ATXN1: variants seen among roughly 807,000 people sequenced by gnomAD.
ATXN1 encodes the protein ataxin-1.
Under a neutral mutation model 56.4 loss-of-function variants are expected in ATXN1, and 8 were observed. That is an observed-to-expected ratio of 0.14 (90% CI 0.08 to 0.26). The LOEUF (loss-of-function observed/expected upper bound fraction) is 0.26, where lower values mean the gene tolerates loss of function less well. Ranked by LOEUF, ATXN1 falls within the 10% of genes least tolerant of loss-of-function variation. ATXN1 has a pLI of 1.00. For synonymous variants in ATXN1, 514 were observed against 494.6 expected, an observed-to-expected ratio of 1.04 and a Z score of -0.52; for missense variants, 987 against 1,106.5, an observed-to-expected ratio of 0.89 and a Z score of 1.53.
At chr6:16,750,465 G>A (rs1418065513) in intron 2 of ATXN1, among the ~76,000 whole-genome samples, 1 of 152,184 alleles carries the variant, frequency 6.6e-6, no homozygotes, top group Non-Finnish European at 1.5e-5. Context: ...AGTACAACAT[G>A]AATGATACTA....
intron 6 of ATXN1, among the ~76,000 whole-genome samples, chr6:16,459,538 G>A (rs187445300): frequency 1.2e-4 from 19 of 152,204 alleles, no homozygotes; most frequent in Admixed American, 7.2e-4. Flanking sequence ...CTCTATATCC[G>A]GTTGTACCCA....
At chr6:16,660,767 A>G (rs1448107197) in intron 2 of ATXN1, among the ~76,000 whole-genome samples, 2 of 152,078 alleles carry the variant, frequency 1.3e-5, no homozygotes, top group Non-Finnish European at 2.9e-5. Context: ...AGATTGCATA[A>G]TAAGAGACAA....
rs1760978080 is a variant in ATXN1, at chr6:16,506,091, G to C, written c.-299+16536C>G. 6.6e-6 allele frequency among the ~76,000 whole-genome samples: 1 copy of C among 152,106 alleles called. No individual in the cohort carries two copies. The highest frequency in any genetic ancestry group is 2.1e-4 in the South Asian group (1 of 4,828). On this transcript the variant is annotated intron_variant, in intron 5 of 7. Transcript: ENST00000436367. The surrounding 1 kb of genome is among the most constrained non-coding windows in gnomAD (Gnocchi z 4.1). ...TTGGCAGGGAACTCAGAAAATCTTG[G>C]CATCAGGGCTTACTATAAGCTGAGT...
At chr6:16,559,799 A>C (rs1279554934) in intron 4 of ATXN1, among the ~76,000 whole-genome samples, 1 of 152,186 alleles carries the variant, frequency 6.6e-6, no homozygotes, top group African/African-American at 2.4e-5. Flanking sequence ...CTGAAATATA[A>C]AAGGAGCAAA....
At chr6:16,674,575 TCTCAAA>T (rs1316558835) in intron 2 of ATXN1, among the ~76,000 whole-genome samples, 4 of 151,106 alleles carry the variant, frequency 2.6e-5, no homozygotes, top group Non-Finnish European at 5.9e-5. Context: ...GCTAGGCTGG[TCTCAAA>T]CTCCTCACCT....
intron 2 of ATXN1, among the ~76,000 whole-genome samples, chr6:16,674,615 C>T (rs1238462118): frequency 6.6e-6 from 1 of 151,636 alleles, no homozygotes; most frequent in Non-Finnish European, 1.5e-5. Flanking sequence ...CCTTGGCCTC[C>T]GAAAATGCTG....
intron 2 of ATXN1, chr6:16,738,985 A>C (rs960646613): frequency 1.3e-5 from 2 of 152,184 alleles, no homozygotes; most frequent in African/African-American, 4.8e-5. Flanking sequence ...TGTTACTGAA[A>C]TATCTCTTCC....
chr6:16,360,290 A>G (rs1387373477), intron 6 of ATXN1, among the ~76,000 whole-genome samples: 1 of 152,218 alleles, frequency 6.6e-6, no homozygotes, highest in Non-Finnish European at 1.5e-5. Context: ...TTCAAAGAGA[A>G]CAGCTCTATA....
At chr6:16,729,020 C>T (rs1246020356) in intron 2 of ATXN1, among the ~76,000 whole-genome samples, 1 of 152,164 alleles carries the variant, frequency 6.6e-6, no homozygotes, top group Non-Finnish European at 1.5e-5. Context: ...CTTTAGGGAC[C>T]TCAGCAATCC....
chr6:16,542,379 A>G (rs1384728824), intron 4 of ATXN1, among the ~76,000 whole-genome samples: 1 of 152,208 alleles, frequency 6.6e-6, no homozygotes, highest in African/African-American at 2.4e-5. Context: ...GGGGAAAGAG[A>G]AACGATCACA....
intron 6 of ATXN1, among the ~76,000 whole-genome samples, chr6:16,416,764 C>T (rs73724867): frequency 0.11 from 16,754 of 152,230 alleles, 1,039 homozygotes; most frequent in Admixed American, 0.14. Context: ...CCTATCTCTT[C>T]CTCACTGTGT....
At chr6:16,590,279 T>G (rs577068946) in intron 3 of ATXN1, among the ~76,000 whole-genome samples, 63 of 152,298 alleles carry the variant, frequency 4.1e-4, no homozygotes, top group African/African-American at 1.3e-3. Context: ...TTTAATGAAA[T>G]AGACTGCAAA....
At position 16,753,256 on chromosome 6, in the gene ATXN1, T is replaced by C. The variant is rs1171393876; in HGVS notation, c.-638A>G. 2 of 456,666 alleles carry C rather than the reference T, an allele frequency of 4.4e-6. No individual in the cohort carries two copies. Among genetic ancestry groups the C allele is most frequent in the Non-Finnish European group, 8.8e-6 (2 of 226,980 alleles). The allele number at this position is 456,666 out of a possible 1,614,324, so 28.3% of individuals were successfully genotyped here. On this transcript the variant is annotated 5_prime_UTR_variant, in exon 2 of 8. Transcript: ENST00000436367. ...ACCTGACATGTGATGCACTTCCCTG[T>C]AGTGGCAGTGGAGGAGGAGATTGCT...
chr6:16,416,801 T>C (rs1480991117), intron 6 of ATXN1, among the ~76,000 whole-genome samples: 1 of 152,216 alleles, frequency 6.6e-6, no homozygotes, highest in Non-Finnish European at 1.5e-5. Context: ...CACACTGGAA[T>C]TCCTGAATTC....
chr6:16,720,524 T>C (rs1759725465), intron 2 of ATXN1, among the ~76,000 whole-genome samples: 2 of 152,226 alleles, frequency 1.3e-5, no homozygotes, highest in Admixed American at 1.3e-4. Flanking sequence ...CACTCAATTA[T>C]AAAAGCCTGA....
At chr6:16,507,553 G>A (rs1761002914) in intron 5 of ATXN1, among the ~76,000 whole-genome samples, 1 of 152,122 alleles carries the variant, frequency 6.6e-6, no homozygotes, top group Non-Finnish European at 1.5e-5. Context: ...CAATTATTAT[G>A]TATGCCTGAA....
At chr6:16,629,713 C>T (rs1368967948) in intron 3 of ATXN1, among the ~76,000 whole-genome samples, 6 of 151,852 alleles carry the variant, frequency 4.0e-5, no homozygotes, top group African/African-American at 1.5e-4. Flanking sequence ...GTCAGGAGTT[C>T]GAGACCATCC....
At chr6:16,622,261 T>C (rs79974547) in intron 3 of ATXN1, among the ~76,000 whole-genome samples, 2 of 152,126 alleles carry the variant, frequency 1.3e-5, no homozygotes, top group South Asian at 2.1e-4. Context: ...TTTAGAGTAA[T>C]GCAAAGACCC....
chr6:16,544,802 T>C (rs535354256), intron 4 of ATXN1, among the ~76,000 whole-genome samples: 31 of 152,254 alleles, frequency 2.0e-4, no homozygotes, highest in Middle Eastern at 3.4e-3. Flanking sequence ...TTTTAGCTTT[T>C]CTAAGGGAGG....
Sources: gnomAD v4.1 joint callset for allele counts (sites outside exome capture counted in the v4.1 genomes callset) on GRCh38, gnomAD v4.1.1 for gene constraint, Gnocchi (gnomAD v3.1) non-coding constraint, MANE v1.5 for transcripts, NCBI Gene and HGNC (gene_info 2026-07-23, HGNC 2026-07-21) for gene names.